The following SYTL2 variants were observed in gnomAD, a reference collection of about 807,000 sequenced individuals.
The protein encoded by SYTL2 is synaptotagmin like 2, also known as synaptotagmin-like protein 2.
Under a neutral mutation model 198.7 loss-of-function variants are expected in SYTL2, and 165 were observed. That is an observed-to-expected ratio of 0.83 (90% CI 0.73 to 0.94). The LOEUF (loss-of-function observed/expected upper bound fraction) is 0.94, where lower values mean the gene tolerates loss of function less well. SYTL2 is among the 40% of genes least tolerant of loss of function. SYTL2 has a pLI of 0.00. For synonymous variants in SYTL2, 966 were observed against 917.7 expected (o/e 1.05, Z -0.95); for missense variants, 2,835 against 2,582.8 (o/e 1.10, Z -2.12).
chr11:85,697,835 T>C, intron 18 of SYTL2, 144 bp downstream of exon 18: 1 of 590,148 alleles, frequency 1.7e-6, no homozygotes, highest in Admixed American at 3.2e-5. Flanking sequence ...TGATATAGAT[T>C]CCTCCAATTC....
At chr11:85,783,646 C>CA (rs1432575352) in intron 1 of SYTL2, among the ~76,000 whole-genome samples, 1 of 152,144 alleles carries the variant, frequency 6.6e-6, no homozygotes. Context: ...ATTAATTTCT[C>CA]ACAGCAACAT....
the SYTL2 span, among the ~76,000 whole-genome samples, chr11:85,824,781 TAGG>T: frequency 6.6e-5 from 10 of 152,142 alleles, no homozygotes; most frequent in Admixed American, 1.3e-4. Flanking sequence ...GTGCGGGCAC[TAGG>T]AGAAGTCAAA....
intron 1 of SYTL2, among the ~76,000 whole-genome samples, chr11:85,793,470 TATC>T (rs1269956317): frequency 6.6e-6 from 1 of 152,234 alleles, no homozygotes; most frequent in Non-Finnish European, 1.5e-5. Flanking sequence ...TGAGAACTCT[TATC>T]ATAATATTTT....
chr11:85,792,496 C>T (rs1199188151), intron 1 of SYTL2, among the ~76,000 whole-genome samples: 1 of 151,936 alleles, frequency 6.6e-6, no homozygotes, highest in Admixed American at 6.6e-5. Flanking sequence ...GTTATTTTTT[C>T]TTCTTCAAAC....
At chr11:85,797,195 C>A (rs1366083650) in intron 1 of SYTL2, among the ~76,000 whole-genome samples, 1 of 152,202 alleles carries the variant, frequency 6.6e-6, no homozygotes, top group Non-Finnish European at 1.5e-5. Context: ...CTATTCAGTT[C>A]TTCTGAATTA....
At chr11:85,833,062 A>G in the SYTL2 span, among the ~76,000 whole-genome samples, 49 of 41,704 alleles carry the variant, frequency 1.2e-3, no homozygotes, top group Admixed American at 1.6e-3. Flanking sequence ...AAAGAAAGAA[A>G]GAAAGAAAGA....
In SYTL2 at chr11:85,695,029, G is replaced by A. The variant is rs1591506956; in HGVS notation, c.*166C>T. 2 of 540,322 alleles carry A rather than the reference G, an allele frequency of 3.7e-6. No homozygotes were observed. The highest frequency in any genetic ancestry group is 6.3e-6 in the Non-Finnish European group (2 of 317,788). The allele number at this position is 540,322 out of a possible 1,614,324, so 33.5% of individuals were successfully genotyped here. ...CATTTTGTTATATTTAAATCCCTTGGGCCTTGTAATCAAAGAAGCACATGC... is the reference window on the plus strand; with the variant it reads ...CATTTTGTTATATTTAAATCCCTTGAGCCTTGTAATCAAAGAAGCACATGC... On this transcript the variant is annotated 3_prime_UTR_variant, in exon 20 of 20. Coordinates refer to ENST00000359152, the MANE Select transcript of SYTL2 (RefSeq NM_206927.4).
intron 7 of SYTL2, among the ~76,000 whole-genome samples, chr11:85,733,115 C>G (rs2089975945): frequency 6.6e-6 from 1 of 152,182 alleles, no homozygotes; most frequent in Non-Finnish European, 1.5e-5. Flanking sequence ...GAGGCCTGAG[C>G]AGGCCAAAGT....
chr11:85,732,946 A>G (rs1461106013), intron 7 of SYTL2, among the ~76,000 whole-genome samples: 1 of 152,162 alleles, frequency 6.6e-6, no homozygotes, highest in East Asian at 1.9e-4. Context: ...TCATGATCAT[A>G]TAGGTATAAA....
chr11:85,793,168 G>A (rs1351526522), intron 1 of SYTL2, among the ~76,000 whole-genome samples: 5 of 151,426 alleles, frequency 3.3e-5, no homozygotes, highest in Non-Finnish European at 7.4e-5. Context: ...TGGGTCAAAT[G>A]GTATTTCTAG....
chr11:85,737,431 C>A, intron 5 of SYTL2, 144 bp downstream of exon 5: 1 of 645,896 alleles, frequency 1.5e-6, no homozygotes, highest in South Asian at 2.0e-5. Flanking sequence ...AAACTAGTGA[C>A]TTCTTAAAAT....
At chr11:85,774,976 C>T (rs1403149384) in intron 1 of SYTL2, among the ~76,000 whole-genome samples, 1 of 151,098 alleles carries the variant, frequency 6.6e-6, no homozygotes, top group Non-Finnish European at 1.5e-5. Context: ...ACTCTGATCT[C>T]TCAGGTGCCT....
chr11:85,723,243 C>T (rs1043808809), intron 8 of SYTL2, among the ~76,000 whole-genome samples: 8 of 152,200 alleles, frequency 5.3e-5, no homozygotes, highest in Non-Finnish European at 1.2e-4. Context: ...ATGTGGAGAT[C>T]GACTCAGGTC....
At chr11:85,732,617 C>T (rs947876937) in intron 7 of SYTL2, among the ~76,000 whole-genome samples, 1 of 152,206 alleles carries the variant, frequency 6.6e-6, no homozygotes, top group Non-Finnish European at 1.5e-5. Flanking sequence ...TGGGGAGGGA[C>T]TGCATTAGGA....
rs571794823 is a variant in SYTL2 at position 85,797,490 on chromosome 11, T to C, written c.-390+13464A>G. ...TGAAAATACAAAAATTAGCTGGGCA[T>C]GGTGGCAGGCATCTGTAATCCCAGT... On this transcript the variant is annotated intron_variant, in intron 1 of 19. Coordinates refer to ENST00000359152, the MANE Select transcript of SYTL2 (RefSeq NM_206927.4). 2.3e-3 allele frequency among the ~76,000 whole-genome samples: 356 copies of C among 151,968 alleles called. 3 individuals carry two copies. Among genetic ancestry groups the C allele is most frequent in the African/African-American group, 8.2e-3 (342 of 41,456 alleles).
At chr11:85,735,165 G>A (rs892592705) in intron 6 of SYTL2, among the ~76,000 whole-genome samples, 5 of 152,140 alleles carry the variant, frequency 3.3e-5, no homozygotes, top group African/African-American at 7.2e-5. Flanking sequence ...TATGGAAAAC[G>A]TCTGTATCTT....
the SYTL2 span, among the ~76,000 whole-genome samples, chr11:85,817,481 AAT>A: frequency 1.2e-4 from 19 of 152,234 alleles, no homozygotes; most frequent in Non-Finnish European, 1.8e-4. Context: ...TATTAAATGA[AAT>A]ATGTTATGAA....
At position 85,792,481 on chromosome 11, in the gene SYTL2, A is replaced by C. The variant is rs139306296; in HGVS notation, c.-390+18473T>G. Among the ~76,000 whole-genome samples the C allele has an allele frequency of 8.8e-3, 1,342 of 152,166 alleles. 38 individuals carry two copies. The highest frequency in any genetic ancestry group is 0.032 in the African/African-American group (1,308 of 41,420). On this transcript the variant is annotated intron_variant, in intron 1 of 19. Coordinates refer to ENST00000359152, the MANE Select transcript of SYTL2 (RefSeq NM_206927.4). ...ATGAAATGTGTCACTCTGAAGTTGCAGAAAGTTATTTTTTCTTCTTCAAAC... is the reference window on the plus strand; with the variant it reads ...ATGAAATGTGTCACTCTGAAGTTGCCGAAAGTTATTTTTTCTTCTTCAAAC...
At chr11:85,728,382 G>A (rs1329201206) in intron 7 of SYTL2, among the ~76,000 whole-genome samples, 3 of 152,074 alleles carry the variant, frequency 2.0e-5, no homozygotes, top group African/African-American at 7.2e-5. Context: ...CGCCTCCCAG[G>A]TTCAAGCGAT....
Sources: allele counts gnomAD v4.1 joint callset (sites outside exome capture counted in the v4.1 genomes callset), GRCh38; gene constraint gnomAD v4.1.1; transcripts MANE v1.5; gene names NCBI Gene and HGNC (gene_info 2026-07-23, HGNC 2026-07-21).